CDH13: variants seen among roughly 807,000 people sequenced by gnomAD.
The protein encoded by CDH13 is cadherin-13.
In CDH13, 24 loss-of-function variants were observed where a neutral mutation model predicts 63.8. The ratio of observed to expected loss-of-function variants is 0.38; its 90% CI spans 0.27 to 0.53. The LOEUF is 0.53. Ranked by LOEUF, CDH13 falls within the 20% of genes least tolerant of loss-of-function variation. The probability of loss-of-function intolerance (pLI) is 0.85; values close to 1 mark genes in which losing one functional copy is unlikely to be tolerated. For missense variants in CDH13, 1,049 were observed against 903.1 expected, an observed-to-expected ratio of 1.16 and a Z score of -2.07; for synonymous variants, 503 against 355.3, an observed-to-expected ratio of 1.42 and a Z score of -4.67.
chr16:83,196,504 T>C (rs1029362266), intron 4 of CDH13, among the ~76,000 whole-genome samples: 3 of 152,108 alleles, frequency 2.0e-5, no homozygotes, highest in Non-Finnish European at 4.4e-5. Context: ...AGACAAGCTA[T>C]AGACTAGGAG....
intron 3 of CDH13, among the ~76,000 whole-genome samples, chr16:83,071,012 C>T (rs1405609988): frequency 1.3e-5 from 2 of 152,020 alleles, no homozygotes; most frequent in East Asian, 3.9e-4. Context: ...CCTGAGTTCT[C>T]CTGGCAAAGG....
Position 82,994,665 on chromosome 16 carries a change from C to G in CDH13, c.158-37345C>G, listed in dbSNP as rs371840842. ...TCAAGTTCTTTGTAAGGAAGAAAAA[C>G]GTATTAGTCTTTGACAAATGAAACT... On this transcript the variant is annotated intron_variant, in intron 2 of 13. Coordinates refer to ENST00000567109, the MANE Select transcript of CDH13 (RefSeq NM_001257.5). 4.6e-5 allele frequency among the ~76,000 whole-genome samples: 7 copies of G among 152,158 alleles called. No individual in the cohort carries two copies. In the East Asian group the frequency reaches 9.6e-4, roughly 21 times the overall value.
At chr16:83,133,321 G>A (rs1055469616) in intron 4 of CDH13, among the ~76,000 whole-genome samples, 1 of 152,114 alleles carries the variant, frequency 6.6e-6, no homozygotes, top group Non-Finnish European at 1.5e-5. Flanking sequence ...AAAAAGAATG[G>A]AAAATGTCTC....
intron 7 of CDH13, among the ~76,000 whole-genome samples, chr16:83,518,203 G>A (rs1278315141): frequency 1.3e-5 from 2 of 152,068 alleles, no homozygotes; most frequent in African/African-American, 2.4e-5. Flanking sequence ...GGAGTGCAGT[G>A]GCGTGATCTT....
intron 7 of CDH13, among the ~76,000 whole-genome samples, chr16:83,569,043 C>G (rs1243803189): frequency 1.3e-5 from 2 of 152,052 alleles, no homozygotes; most frequent in East Asian, 3.9e-4. Flanking sequence ...ATAATCTAGT[C>G]CCAAACCACT....
At chr16:82,979,999 A>G (rs2151384130) in intron 2 of CDH13, among the ~76,000 whole-genome samples, 1 of 152,324 alleles carries the variant, frequency 6.6e-6, no homozygotes, top group Non-Finnish European at 1.5e-5. Flanking sequence ...TTAATGGAAT[A>G]TTTTATAAAG....
At chr16:83,020,973 G>C (rs1367118881) in intron 2 of CDH13, among the ~76,000 whole-genome samples, 1 of 152,192 alleles carries the variant, frequency 6.6e-6, no homozygotes, top group Non-Finnish European at 1.5e-5. Flanking sequence ...ATTTACCCTT[G>C]AGATGCACAT....
intron 2 of CDH13, among the ~76,000 whole-genome samples, chr16:83,009,535 T>C (rs1003425568): frequency 6.6e-6 from 1 of 152,166 alleles, no homozygotes; most frequent in Non-Finnish European, 1.5e-5. Context: ...AAATTGAGGA[T>C]CAGAGATACC....
At chr16:83,788,324 C>G (rs1349942783) in intron 13 of CDH13, among the ~76,000 whole-genome samples, 2 of 152,186 alleles carry the variant, frequency 1.3e-5, no homozygotes, top group African/African-American at 2.4e-5. Context: ...CCAGGCCCAT[C>G]CAACCTATGG....
chr16:83,317,565 C>A (rs2090133553), intron 5 of CDH13, among the ~76,000 whole-genome samples: 1 of 152,076 alleles, frequency 6.6e-6, no homozygotes, highest in South Asian at 2.1e-4. Context: ...CTTTGGGAGG[C>A]CAAGGCAGGT....
chr16:83,223,128 A>C (rs2039746774), intron 5 of CDH13, among the ~76,000 whole-genome samples: 1 of 152,210 alleles, frequency 6.6e-6, no homozygotes, highest in African/African-American at 2.4e-5. Flanking sequence ...CTGTAACAAA[A>C]TATCGGAGCC....
intron 6 of CDH13, among the ~76,000 whole-genome samples, chr16:83,458,453 A>G (rs1047360491): frequency 4.6e-5 from 7 of 152,192 alleles, no homozygotes; most frequent in Non-Finnish European, 8.8e-5. Flanking sequence ...TTCCTTAAAT[A>G]TAACTACATA....
At chr16:82,848,533 G>C (rs1355842595) in intron 1 of CDH13, among the ~76,000 whole-genome samples, 1 of 150,550 alleles carries the variant, frequency 6.6e-6, no homozygotes, top group African/African-American at 2.4e-5. Flanking sequence ...CTATTTTGGT[G>C]ATGTCTGATC....
At chr16:83,401,038 G>T (rs13339185) in intron 6 of CDH13, among the ~76,000 whole-genome samples, 1,786 of 152,054 alleles carry the variant, frequency 0.012, 35 homozygotes, top group African/African-American at 0.042. Context: ...CCCCGTCTGT[G>T]CTTAAAAAAT....
intron 13 of CDH13, among the ~76,000 whole-genome samples, chr16:83,788,748 C>T (rs185497702): frequency 6.6e-6 from 1 of 152,288 alleles, no homozygotes. Flanking sequence ...GCTTTATGTG[C>T]TCGTCTAAGG....
intron 13 of CDH13, 29 bp downstream of exon 13, chr16:83,783,501 C>T: frequency 6.4e-7 from 1 of 1,560,048 alleles, no homozygotes; most frequent in Non-Finnish European, 8.8e-7. Flanking sequence ...AGTGCATGCA[C>T]AAACAGGAAA....
At chr16:83,255,765 A>C (rs577847043) in intron 5 of CDH13, among the ~76,000 whole-genome samples, 1 of 152,242 alleles carries the variant, frequency 6.6e-6, no homozygotes, top group South Asian at 2.1e-4. Flanking sequence ...TCACATCCCA[A>C]CTCTGCCTTT....
At chr16:83,468,669 T>C (rs2073379503) in intron 6 of CDH13, among the ~76,000 whole-genome samples, 1 of 152,198 alleles carries the variant, frequency 6.6e-6, no homozygotes, top group African/African-American at 2.4e-5. Context: ...CCTCTCTGCC[T>C]CTCCCTTTCT....
chr16:82,667,505 G>T (rs1875141190), intron 1 of CDH13, among the ~76,000 whole-genome samples: 1 of 152,150 alleles, frequency 6.6e-6, no homozygotes, highest in Admixed American at 6.5e-5. Context: ...TCCTTTCCTT[G>T]CACCGTAGGA....
Sources: allele counts gnomAD v4.1 joint callset (sites outside exome capture counted in the v4.1 genomes callset), GRCh38; gene constraint gnomAD v4.1.1; transcripts MANE v1.5; gene names NCBI Gene and HGNC (gene_info 2026-07-23, HGNC 2026-07-21).